GPC6: variants seen among roughly 807,000 people sequenced by gnomAD.
The protein encoded by GPC6 is glypican 6.
A neutral mutation model predicts 55.2 loss-of-function variants in GPC6; 14 were observed. The observed-to-expected ratio is 0.25, with a 90% CI of 0.17 to 0.40. The LOEUF is 0.40. GPC6 is among the 10% of genes least tolerant of loss of function. The probability of loss-of-function intolerance (pLI) is 1.00; values close to 1 mark genes in which losing one functional copy is unlikely to be tolerated. For synonymous variants in GPC6, 278 were observed against 259.6 expected (o/e 1.07, Z -0.68); for missense variants, 641 against 708.5 (o/e 0.90, Z 1.08).
At chr13:94,299,957 T>C (rs1265847841) in intron 5 of GPC6, among the ~76,000 whole-genome samples, 2 of 152,182 alleles carry the variant, frequency 1.3e-5, no homozygotes, top group Non-Finnish European at 2.9e-5. Flanking sequence ...CACTGTAATA[T>C]AAATTAGAAT....
At chr13:93,724,142 A>G (rs957793307) in intron 2 of GPC6, among the ~76,000 whole-genome samples, 1 of 151,712 alleles carries the variant, frequency 6.6e-6, no homozygotes, top group Admixed American at 6.6e-5. Flanking sequence ...GCTTTTACCG[A>G]TGGTACTGGC....
chr13:94,285,618 C>A (rs1271265455), intron 4 of GPC6, among the ~76,000 whole-genome samples: 1 of 152,128 alleles, frequency 6.6e-6, no homozygotes, highest in Non-Finnish European at 1.5e-5. Flanking sequence ...TGTCCTTTTT[C>A]CCCCAGGCCA....
intron 3 of GPC6, among the ~76,000 whole-genome samples, chr13:94,013,464 C>T (rs1277634450): frequency 6.6e-6 from 1 of 152,166 alleles, no homozygotes; most frequent in Non-Finnish European, 1.5e-5. Context: ...GATTCTCCTG[C>T]CTCAGCTTCC....
chr13:93,860,803 C>G (rs547536018), intron 3 of GPC6, among the ~76,000 whole-genome samples: 2 of 151,788 alleles, frequency 1.3e-5, no homozygotes, highest in African/African-American at 4.8e-5. Context: ...ACAATTAATT[C>G]TATTGCACAA....
At chr13:93,682,652 C>A (rs1881891170) in intron 2 of GPC6, among the ~76,000 whole-genome samples, 1 of 151,966 alleles carries the variant, frequency 6.6e-6, no homozygotes, top group Non-Finnish European at 1.5e-5. Context: ...ATTTAGATTT[C>A]TCTGTTATCA....
chr13:93,627,418 A>G (rs1879248916), intron 2 of GPC6, among the ~76,000 whole-genome samples: 1 of 152,068 alleles, frequency 6.6e-6, no homozygotes, highest in Non-Finnish European at 1.5e-5. Flanking sequence ...TCCTAGGGAG[A>G]TGTTGTTAAA....
intron 6 of GPC6, among the ~76,000 whole-genome samples, chr13:94,322,991 T>G (rs1176815961): frequency 6.6e-6 from 1 of 152,144 alleles, no homozygotes; most frequent in Non-Finnish European, 1.5e-5. Flanking sequence ...ATGCATTTAT[T>G]CCCTGCCTCA....
intron 4 of GPC6, among the ~76,000 whole-genome samples, chr13:94,042,038 A>C (rs1432730791): frequency 6.6e-6 from 1 of 151,848 alleles, no homozygotes; most frequent in Non-Finnish European, 1.5e-5. Flanking sequence ...TGATTGGATC[A>C]TGTTGACAGT....
intron 1 of GPC6, among the ~76,000 whole-genome samples, chr13:93,448,735 A>T (rs967400517): frequency 3.3e-5 from 5 of 152,212 alleles, no homozygotes; most frequent in Admixed American, 6.5e-5. Flanking sequence ...TTATATATGA[A>T]ACAGTGTTTT....
intron 2 of GPC6, among the ~76,000 whole-genome samples, chr13:93,774,901 T>A (rs910803577): frequency 2.0e-5 from 3 of 152,048 alleles, no homozygotes; most frequent in Non-Finnish European, 4.4e-5. Flanking sequence ...TTCAGGAAAG[T>A]CTTCTTTTAC....
chr13:93,355,435 A>C (rs1281740745), intron 1 of GPC6, among the ~76,000 whole-genome samples: 1 of 152,190 alleles, frequency 6.6e-6, no homozygotes, highest in East Asian at 1.9e-4. Flanking sequence ...AAAAGGCAGC[A>C]TTTGGGTTGG....
chr13:93,528,507 G>T (rs1410979949), intron 1 of GPC6, among the ~76,000 whole-genome samples: 1 of 152,254 alleles, frequency 6.6e-6, no homozygotes, highest in Admixed American at 6.5e-5. Flanking sequence ...GGCAAGCAGT[G>T]TTGAAGCTGC....
chr13:94,243,481 G>A (rs1594092003), intron 4 of GPC6, among the ~76,000 whole-genome samples: 1 of 152,088 alleles, frequency 6.6e-6, no homozygotes, highest in African/African-American at 2.4e-5. Flanking sequence ...TTTGACAGGA[G>A]CACAATCAGT....
intron 4 of GPC6, among the ~76,000 whole-genome samples, chr13:94,106,489 C>A (rs1460550156): frequency 6.6e-6 from 1 of 151,818 alleles, no homozygotes; most frequent in African/African-American, 2.4e-5. Context: ...AGAGACTTGA[C>A]CCTGTTTCCA....
intron 1 of GPC6, among the ~76,000 whole-genome samples, chr13:93,234,482 T>C (rs1311462443): frequency 1.3e-5 from 2 of 152,218 alleles, no homozygotes; most frequent in East Asian, 1.9e-4. Context: ...ATTACATTGG[T>C]TGCTCTATAG....
chr13:93,673,283 C>A lies in GPC6; in HGVS notation c.319+127862C>A, dbSNP rs545353716. On this transcript the variant is annotated intron_variant, in intron 2 of 8. Coordinates refer to ENST00000377047, the MANE Select transcript of GPC6 (RefSeq NM_005708.5). ...AGAGTTTGAATTCCAAGTTATTCCT[C>A]CACTATGTTGTGGTCAGTTATTTAT... 3.3e-5 allele frequency among the ~76,000 whole-genome samples: 5 copies of A among 152,256 alleles called. No individual in the cohort carries two copies. The South Asian group carries it at 1.0e-3, about 32-fold the overall frequency.
Position 94,403,420 on chromosome 13 carries a change from C to T in GPC6, c.*203C>T. The T allele has an allele frequency of 1.6e-6, 1 of 625,722 alleles. No individual in the cohort carries two copies. The highest frequency in any genetic ancestry group is 1.8e-5 in the South Asian group (1 of 57,008). 38.8% of individuals were successfully genotyped at this position (625,722 alleles called of 1,614,324 possible). A position where few individuals can be genotyped will look rare whatever the true frequency, so the allele number is the denominator to read the frequency against. On this transcript the variant is annotated 3_prime_UTR_variant, in exon 9 of 9. Coordinates refer to ENST00000377047, the MANE Select transcript of GPC6 (RefSeq NM_005708.5). ...CTGAACTGCTTCCTCTTTCCTTCAG[C>T]TATCTGTGGGGACCTTGTTTATTCT...
At chr13:93,852,719 G>A (rs1394169835) in intron 3 of GPC6, among the ~76,000 whole-genome samples, 2 of 151,614 alleles carry the variant, frequency 1.3e-5, no homozygotes, top group East Asian at 3.9e-4. Flanking sequence ...AACTGACTGT[G>A]ATTCTGTTAC....
chr13:93,310,043 G>A (rs1267078483), intron 1 of GPC6, among the ~76,000 whole-genome samples: 1 of 152,196 alleles, frequency 6.6e-6, no homozygotes, highest in African/African-American at 2.4e-5. Flanking sequence ...CTCCTAGGAA[G>A]CCTGACGTGA....
Sources: allele counts gnomAD v4.1 joint callset (sites outside exome capture counted in the v4.1 genomes callset), GRCh38; gene constraint gnomAD v4.1.1; transcripts MANE v1.5; gene names NCBI Gene and HGNC (gene_info 2026-07-23, HGNC 2026-07-21).